The following NEBL variants were observed in gnomAD, a reference collection of about 807,000 sequenced individuals.
The protein encoded by NEBL is LIM and SH3 protein 2.
NEBL carries 122 observed loss-of-function variants against 140.2 expected under a neutral mutation model. That is an observed-to-expected ratio of 0.87 (90% CI 0.75 to 1.01). NEBL has a LOEUF of 1.01. Among genes scored for constraint, NEBL ranks in the 50% least tolerant of loss-of-function variants. The pLI is 0.00. For synonymous variants in NEBL, 436 were observed against 398.9 expected (o/e 1.09, Z -1.11); for missense variants, 1,365 against 1,231.3 (o/e 1.11, Z -1.62).
intron 2 of NEBL, among the ~76,000 whole-genome samples, chr10:21,165,682 T>C (rs1198705729): frequency 6.6e-6 from 1 of 152,130 alleles, no homozygotes; most frequent in Non-Finnish European, 1.5e-5. Flanking sequence ...ACAGATCCCT[T>C]GGAGGATACA....
At chr10:21,201,633 C>T (rs915949845) in intron 3 of NEBL, among the ~76,000 whole-genome samples, 2 of 152,100 alleles carry the variant, frequency 1.3e-5, no homozygotes, top group Non-Finnish European at 2.9e-5. Context: ...TTACTGCAAA[C>T]ATCACAAAAT....
chr10:21,043,021 T>C (rs1834340320), intron 2 of NEBL, among the ~76,000 whole-genome samples: 1 of 152,226 alleles, frequency 6.6e-6, no homozygotes, highest in Non-Finnish European at 1.5e-5. Context: ...AAGTCTGCTG[T>C]GTATGCAAAC....
chr10:20,866,576 A>T (rs996444561), intron 7 of NEBL, among the ~76,000 whole-genome samples: 1 of 152,158 alleles, frequency 6.6e-6, no homozygotes, highest in African/African-American at 2.4e-5. Flanking sequence ...AGGCTCTGCC[A>T]TCAGATTTCT....
chr10:21,159,922 T>C (rs1330189524), intron 2 of NEBL, among the ~76,000 whole-genome samples: 2 of 152,216 alleles, frequency 1.3e-5, no homozygotes, highest in Non-Finnish European at 2.9e-5. Flanking sequence ...ATTCCCCTGC[T>C]GGTCTCTTCT....
rs1358914103 is a variant in NEBL, at chr10:21,061,292, CATATTACATATTATGTGATATGTAAT to C, written c.165-41117_165-41092del. Among the ~76,000 whole-genome samples, 1,221 of 139,858 alleles carry C rather than the reference CATATTACATATTATGTGATATGTAAT, an allele frequency of 8.7e-3. 11 individuals carry two copies. The highest frequency in any genetic ancestry group is 0.026 in the African/African-American group (991 of 37,754). 91.8% of individuals were successfully genotyped at this position (139,858 alleles called of 152,430 possible). A position where few individuals can be genotyped will look rare whatever the true frequency, so the allele number is the denominator to read the frequency against. ...ATATTACATATTATGTGATATGTAA[CATATTACATATTATGTGATATGTAAT>C]ATATTACATATTATGTGATATGTAA... On this transcript the variant is annotated intron_variant, in intron 2 of 6. Coordinates refer to the NEBL transcript ENST00000417816.
chr10:20,957,577 C>A (rs1373514262), intron 4 of NEBL, among the ~76,000 whole-genome samples: 1 of 152,010 alleles, frequency 6.6e-6, no homozygotes, highest in Non-Finnish European at 1.5e-5. Flanking sequence ...TTAGTCTATA[C>A]TGATCTAGGA....
chr10:20,889,448 G>A (rs1239565336), intron 3 of NEBL, among the ~76,000 whole-genome samples: 1 of 152,016 alleles, frequency 6.6e-6, no homozygotes. Context: ...TAGAAAACTG[G>A]TAAATCTTAT....
chr10:21,076,444 C>CAAAAA lies in NEBL; in HGVS notation c.165-56248_165-56244dup, dbSNP rs56013237. 4.8e-4 allele frequency among the ~76,000 whole-genome samples: 24 copies of CAAAAA among 50,076 alleles called. 2 individuals carry two copies. The highest frequency in any genetic ancestry group is 8.1e-4 in the Non-Finnish European group (20 of 24,654). The allele number at this position is 50,076 out of a possible 152,430, so 32.9% of individuals were successfully genotyped here. On this transcript the variant is annotated intron_variant, in intron 2 of 6. Transcript: ENST00000417816. ...TGGGCAACAGAGAGAGACTCAGTTT[C>CAAAAA]AAAAAAAAAAAAAAAAAAAAAAAAA... is the stretch of plus-strand genomic sequence containing the variant.
intron 3 of NEBL, among the ~76,000 whole-genome samples, chr10:21,246,267 C>T (rs1375454036): frequency 6.6e-6 from 1 of 152,192 alleles, no homozygotes; most frequent in Non-Finnish European, 1.5e-5. Context: ...TAAAACTTCA[C>T]TAGTAGAAAT....
At chr10:21,140,585 G>T (rs1392019375) in intron 2 of NEBL, among the ~76,000 whole-genome samples, 5 of 152,108 alleles carry the variant, frequency 3.3e-5, no homozygotes, top group Admixed American at 3.3e-4. Context: ...TAAATGATTT[G>T]TTCTTATTTC....
At chr10:21,163,188 A>T (rs57091318) in intron 2 of NEBL, among the ~76,000 whole-genome samples, 1 of 152,164 alleles carries the variant, frequency 6.6e-6, no homozygotes, top group African/African-American at 2.4e-5. Flanking sequence ...AGGCTCTGAA[A>T]GTCTGCTAGA....
intron 2 of NEBL, chr10:21,028,868 A>T: frequency 2.9e-6 from 1 of 341,070 alleles, no homozygotes; most frequent in Non-Finnish European, 5.3e-6. Flanking sequence ...TAATCATAAA[A>T]ATGTAAATAG....
At chr10:20,845,044 G>C (rs1191680216) in intron 12 of NEBL, among the ~76,000 whole-genome samples, 1 of 151,910 alleles carries the variant, frequency 6.6e-6, no homozygotes, top group Non-Finnish European at 1.5e-5. Flanking sequence ...GGAAATCTGG[G>C]TAATTTCTTC....
chr10:20,831,606 T>C (rs772957623), intron 14 of NEBL, 23 bp from the exon 15 acceptor site: 1 of 1,456,890 alleles, frequency 6.9e-7, no homozygotes, highest in Admixed American at 1.7e-5. Context: ...AAACATACAG[T>C]TAGTGCTCTC....
intron 3 of NEBL, among the ~76,000 whole-genome samples, chr10:21,240,907 T>TACACACAC (rs61704937): frequency 0.036 from 4,904 of 137,314 alleles, 109 homozygotes; most frequent in Middle Eastern, 0.08. Flanking sequence ...CACGCACACA[T>TACACACAC]ACACACACAC....
At chr10:21,161,783 G>A (rs370643849) in intron 2 of NEBL, among the ~76,000 whole-genome samples, 6 of 152,258 alleles carry the variant, frequency 3.9e-5, no homozygotes, top group Non-Finnish European at 5.9e-5. Context: ...CTTTGATGGC[G>A]ACAGTGTGAA....
chr10:20,849,614 G>C (rs145188546), intron 11 of NEBL, among the ~76,000 whole-genome samples: 1 of 152,284 alleles, frequency 6.6e-6, no homozygotes, highest in African/African-American at 2.4e-5. Context: ...TCCACCTTCT[G>C]CCATGGGATG....
In NEBL at chr10:21,218,581, G is replaced by A. The variant is rs192690514; in HGVS notation, n.348+29340C>T. ...GAGGAAAAAATGCAGGAGTGTTGAG[G>A]AGGAAAAACTTTTCCTCTGCCCATG... is the stretch of plus-strand genomic sequence containing the variant. On this transcript the variant is annotated intron_variant and non_coding_transcript_variant, in intron 3 of 8. Coordinates refer to the NEBL transcript ENST00000675702. Among the ~76,000 whole-genome samples the A allele has an allele frequency of 3.9e-5, 6 of 152,276 alleles. No homozygotes were observed. The East Asian group carries it at 1.2e-3, about 29-fold the overall frequency.
chr10:20,908,457 G>A (rs745852846), intron 4 of NEBL, among the ~76,000 whole-genome samples: 5 of 152,128 alleles, frequency 3.3e-5, no homozygotes, highest in South Asian at 2.1e-4. Flanking sequence ...CCCCATGGGC[G>A]TTAGAAGCAA....
Sources: allele counts gnomAD v4.1 joint callset (sites outside exome capture counted in the v4.1 genomes callset), GRCh38; gene constraint gnomAD v4.1.1; transcripts MANE v1.5; gene names NCBI Gene and HGNC (gene_info 2026-07-23, HGNC 2026-07-21).